The following FAM174C variants were observed in gnomAD, a reference collection of about 807,000 sequenced individuals.
FAM174C encodes family with sequence similarity 174 member C.
In FAM174C, 19 loss-of-function variants were observed where a neutral mutation model predicts 12.3. The observed-to-expected ratio is 1.55, with a 90% CI of 1.08 to 2.27. The LOEUF is 2.27. FAM174C is among the 30% of genes most tolerant of loss of function. FAM174C has a pLI of 0.00. For missense variants in FAM174C, 239 were observed against 190.2 expected, an observed-to-expected ratio of 1.26 and a Z score of -1.51; for synonymous variants, 147 against 103.5, an observed-to-expected ratio of 1.42 and a Z score of -2.55.
Position 1,275,626 on chromosome 19 carries a change from C to T in FAM174C, c.77C>T (p.Ala26Val). The T allele has an allele frequency of 1.5e-6, 2 of 1,358,502 alleles. No individual in the cohort carries two copies. Among genetic ancestry groups the T allele is most frequent in the Non-Finnish European group, 9.4e-7 (1 of 1,064,792 alleles). 84.2% of individuals were successfully genotyped at this position (1,358,502 alleles called of 1,614,324 possible). A position where few individuals can be genotyped will look rare whatever the true frequency, so the allele number is the denominator to read the frequency against. Reference sequence around the variant, plus strand: ...CTGCTGGCGGCGCTGCCGTGCGGTGCCGAAGAGGCCTCGCCGCTGCGCCCC... The same window carrying T: ...CTGCTGGCGGCGCTGCCGTGCGGTGTCGAAGAGGCCTCGCCGCTGCGCCCC... ...ALLLAALPCG[A>V]EEASPLRPAQ... Residue 26 changes from alanine (A) to valine (V), a missense_variant, in exon 1 of 3, where the codon GCC (alanine) becomes GTC (valine). Physicochemically the swap from Ala to Val is moderately conservative, Grantham distance 64. Transcript: ENST00000409293.
chr19:1,278,384 G>A (rs1273802348), intron 2 of FAM174C, among the ~76,000 whole-genome samples: 2 of 152,110 alleles, frequency 1.3e-5, no homozygotes, highest in African/African-American at 4.8e-5. Context: ...TGGGTATGTT[G>A]CGCTGCAGTG....
chr19:1,279,023 G>A lies in FAM174C; in HGVS notation c.*246G>A. The A allele has an allele frequency of 1.2e-6, 2 of 1,611,720 alleles. No homozygotes were observed. The highest frequency in any genetic ancestry group is 1.7e-6 in the Non-Finnish European group (2 of 1,179,974). ...GGATGCTGTCCCAGCCTGGCCGAGG[G>A]TCCCAGGTGAAGACTGGAGGGACCC... is the stretch of plus-strand genomic sequence containing the variant. On this transcript the variant is annotated 3_prime_UTR_variant, in exon 3 of 3. Transcript: ENST00000409293.
chr19:1,276,916 G>A lies in FAM174C; in HGVS notation c.282-267G>A, dbSNP rs564572762. 38 of 307,002 alleles carry A rather than the reference G, an allele frequency of 1.2e-4. 1 individual carries two copies. The East Asian group carries it at 2.0e-3, about 16-fold the overall frequency. The allele number at this position is 307,002 out of a possible 1,614,324, so 19.0% of individuals were successfully genotyped here. A position where few individuals can be genotyped will look rare whatever the true frequency, so the allele number is the denominator to read the frequency against. On this transcript the variant is annotated intron_variant, in intron 1 of 2. Transcript: ENST00000409293. ...CTCAGTCTTTTCATCAGTGCAATGG[G>A]AGTGACATCAGCGTGCCTCTCCTGG...
chr19:1,278,745 C>T (rs1420833041), intron 2 of FAM174C, 32 bp from the exon 3 acceptor site: 6 of 1,610,946 alleles, frequency 3.7e-6, no homozygotes, highest in Non-Finnish European at 5.1e-6. Flanking sequence ...CCCTTCACTC[C>T]TTCCCTCTCA....
At chr19:1,278,294 G>A (rs115393209) in intron 2 of FAM174C, among the ~76,000 whole-genome samples, 2,092 of 51,958 alleles carry the variant, frequency 0.04, 52 homozygotes, top group African/African-American at 0.13. Context: ...GCCGGGCTGC[G>A]CAGATGCCGG....
Position 1,279,108 on chromosome 19 carries a change from C to T in FAM174C, c.*331C>T, listed in dbSNP as rs1379306811. ...GCCTGACTGTGACTTGTGCCTCTCTCCTGCCCCCGTGGGGACATGGCAGCC... is the reference window on the plus strand; with the variant it reads ...GCCTGACTGTGACTTGTGCCTCTCTTCTGCCCCCGTGGGGACATGGCAGCC... On this transcript the variant is annotated 3_prime_UTR_variant, in exon 3 of 3. Transcript: ENST00000409293. The T allele has an allele frequency of 5.0e-6, 8 of 1,612,838 alleles. No individual in the cohort carries two copies. Among genetic ancestry groups the T allele is most frequent in the Middle Eastern group, 1.6e-4 (1 of 6,082 alleles).
At position 1,279,218 on chromosome 19, in the gene FAM174C, A is replaced by G. The variant is rs373461434; in HGVS notation, c.*441A>G. The G allele has an allele frequency of 1.6e-5, 26 of 1,603,070 alleles. No homozygotes were observed. In the African/African-American group the frequency reaches 2.9e-4, roughly 18 times the overall value. On this transcript the variant is annotated 3_prime_UTR_variant, in exon 3 of 3. Coordinates refer to ENST00000409293, the MANE Select transcript of FAM174C (RefSeq NM_017914.4). ...CGGGCTGGGAACAATAAATGCAGCC[A>G]TGTCTCTGCAGCTGGTGCTGACCCC...
In FAM174C at chr19:1,279,000, AT is replaced by A; in HGVS notation, c.*224del. On this transcript the variant is annotated 3_prime_UTR_variant, in exon 3 of 3. Transcript: ENST00000409293. ...TGGACCATGCAGCCTCGCCTCCTGG[AT>A]GCTGTCCCAGCCTGGCCGAGGGTCC... is the stretch of plus-strand genomic sequence containing the variant. The A allele has an allele frequency of 6.2e-7, 1 of 1,612,006 alleles. No homozygotes were observed. The highest frequency in any genetic ancestry group is 1.3e-5 in the African/African-American group (1 of 75,040).
At chr19:1,277,011 T>G in intron 1 of FAM174C, 172 bp from the exon 2 acceptor site, 3 of 1,021,996 alleles carry the variant, frequency 2.9e-6, no homozygotes, top group South Asian at 2.0e-5. Flanking sequence ...GCCATGGGAG[T>G]GAATGGTAAT....
At chr19:1,276,594 C>T (rs1267079786) in intron 1 of FAM174C, 1 of 152,406 alleles carries the variant, frequency 6.6e-6, no homozygotes, top group Admixed American at 6.5e-5. Context: ...GGGGTCTCGC[C>T]ATGTTACCCG....
chr19:1,275,747 G>A lies in FAM174C; in HGVS notation c.198G>A (p.Ser66=), dbSNP rs1418503750. The A allele has an allele frequency of 2.3e-5, 35 of 1,534,670 alleles. No individual in the cohort carries two copies. Among genetic ancestry groups the A allele is most frequent in the Non-Finnish European group, 2.8e-5 (32 of 1,144,456 alleles). The part of the protein sequence containing the change: ...NSTHTRPPGA[S]GSALTRSFYV... ...CGCACACGCGTCCGCCGGGGGCGTC[G>A]GGCTCGGCGCTGACGCGCTCCTTCT... is the stretch of plus-strand genomic sequence containing the variant. Residue 66 remains serine (S), a synonymous_variant, in exon 1 of 3, where the codon TCG becomes TCA. Transcript: ENST00000409293.
intron 2 of FAM174C, among the ~76,000 whole-genome samples, chr19:1,277,628 G>A (rs889872488): frequency 9.9e-5 from 15 of 151,240 alleles, no homozygotes; most frequent in Non-Finnish European, 2.1e-4. Flanking sequence ...CCGCCACCAC[G>A]CCTCGCTAAT....
At chr19:1,276,069 C>T (rs1199789195) in intron 1 of FAM174C, 5 of 523,554 alleles carry the variant, frequency 9.6e-6, no homozygotes, top group Non-Finnish European at 1.3e-5. Context: ...AGCGCGCCGC[C>T]TCTTAACTCG....
intron 1 of FAM174C, chr19:1,276,922 C>G: frequency 3.1e-6 from 1 of 322,986 alleles, no homozygotes; most frequent in African/African-American, 2.1e-5. Context: ...ATGGGAGTGA[C>G]ATCAGCGTGC....
At chr19:1,278,644 T>TG (rs2081426168) in intron 2 of FAM174C, 133 bp from the exon 3 acceptor site, 3 of 1,495,770 alleles carry the variant, frequency 2.0e-6, no homozygotes, top group Non-Finnish European at 2.7e-6. Flanking sequence ...GGGAGGCCAG[T>TG]GGGGGGAGGC....
In FAM174C at chr19:1,278,962, C is replaced by G; in HGVS notation, c.*185C>G. 2 of 1,612,772 alleles carry G rather than the reference C, an allele frequency of 1.2e-6. No individual in the cohort carries two copies. Among genetic ancestry groups the G allele is most frequent in the Non-Finnish European group, 1.7e-6 (2 of 1,179,948 alleles). ...GCACAGCCCGCCGACCTGTTGCCAC[C>G]TGCACCCACCGCTGGACCATGCAGC... On this transcript the variant is annotated 3_prime_UTR_variant, in exon 3 of 3. Transcript: ENST00000409293.
chr19:1,275,932 C>G (rs534396684), intron 1 of FAM174C, 102 bp downstream of exon 1: 2 of 1,036,754 alleles, frequency 1.9e-6, no homozygotes, highest in African/African-American at 3.6e-5. Context: ...CCCTCCCTCC[C>G]TCCCTCCCTC....
rs1353687432 is a variant in FAM174C at position 1,275,720 on chromosome 19, C to T, written c.171C>T (p.Ser57=). Residue 57 remains serine (S), a synonymous_variant, in exon 1 of 3, where the codon AGC becomes AGT. Coordinates refer to ENST00000409293, the MANE Select transcript of FAM174C (RefSeq NM_017914.4). ...GCCAGCCGGGCGCGCCACACAACAGCACGCACACGCGTCCGCCGGGGGCGT... is the reference window on the plus strand; with the variant it reads ...GCCAGCCGGGCGCGCCACACAACAGTACGCACACGCGTCCGCCGGGGGCGT... ...NGSQPGAPHN[S]THTRPPGASG... 2 of 1,531,286 alleles carry T rather than the reference C, an allele frequency of 1.3e-6. No homozygotes were observed. Among genetic ancestry groups the T allele is most frequent in the Non-Finnish European group, 1.7e-6 (2 of 1,143,408 alleles). The allele number at this position is 1,531,286 out of a possible 1,614,324, so 94.9% of individuals were successfully genotyped here.
At chr19:1,277,465 T>C (rs2081420659) in intron 2 of FAM174C, among the ~76,000 whole-genome samples, 166 bp downstream of exon 2, 1 of 151,800 alleles carries the variant, frequency 6.6e-6, no homozygotes, top group East Asian at 1.9e-4. Flanking sequence ...TCTCCCAGCC[T>C]CCATTTACAA....
Sources: gnomAD v4.1 joint callset for allele counts (sites outside exome capture counted in the v4.1 genomes callset) on GRCh38, gnomAD v4.1.1 for gene constraint, MANE v1.5 for transcripts, NCBI Gene and HGNC (gene_info 2026-07-23, HGNC 2026-07-21) for gene names.